ANKS1A: variants seen among roughly 807,000 people sequenced by gnomAD.
ANKS1A encodes the protein ankyrin repeat and sterile alpha motif domain containing 1A, also known as ankyrin repeat and SAM domain-containing protein 1A.
ANKS1A carries 55 observed loss-of-function variants against 120.3 expected under a neutral mutation model. The ratio of observed to expected loss-of-function variants is 0.46; its 90% confidence interval spans 0.37 to 0.57. The LOEUF (loss-of-function observed/expected upper bound fraction) is 0.57, where lower values mean the gene tolerates loss of function less well. Ranked by LOEUF, ANKS1A falls within the 20% of genes least tolerant of loss-of-function variation. The pLI is 0.00. For missense variants in ANKS1A, 1,123 were observed against 1,480.3 expected (o/e 0.76, Z 3.96); for synonymous variants, 590 against 604.7 (o/e 0.98, Z 0.36).
At chr6:34,986,371 C>G (rs1252010032) in intron 8 of ANKS1A, among the ~76,000 whole-genome samples, 1 of 152,152 alleles carries the variant, frequency 6.6e-6, no homozygotes, top group Admixed American at 6.5e-5. Flanking sequence ...AATCACTGGT[C>G]CCACTGACCC....
intron 1 of ANKS1A, among the ~76,000 whole-genome samples, chr6:34,913,888 T>C (rs2127459397): frequency 6.6e-6 from 1 of 152,226 alleles, no homozygotes; most frequent in African/African-American, 2.4e-5. Flanking sequence ...GTGCTGGGAT[T>C]ACAGGTGTAA....
Position 35,084,077 on chromosome 6 carries a change from C to A in ANKS1A, c.2995-44C>A. ...AGGCTGGGGCAGGGGGTGCCAGAGG[C>A]ATGCCTGAGCCTGAGAATTCCAGAA... On this transcript the variant is annotated intron_variant, in intron 20 of 23. Coordinates refer to ENST00000360359, the MANE Select transcript of ANKS1A (RefSeq NM_015245.3). This position sits in a 1 kb window ranked among gnomAD's most constrained non-coding sequence, Gnocchi z 4.8. The A allele has an allele frequency of 1.2e-6, 2 of 1,609,618 alleles. No individual in the cohort carries two copies. The highest frequency in any genetic ancestry group is 2.2e-5 in the South Asian group (2 of 90,400).
At chr6:35,023,010 G>T (rs1774422605) in intron 11 of ANKS1A, among the ~76,000 whole-genome samples, 1 of 152,162 alleles carries the variant, frequency 6.6e-6, no homozygotes, top group Non-Finnish European at 1.5e-5. Context: ...TTTTCCACCT[G>T]CCCTTCAGGT....
At chr6:34,944,635 C>A (rs79773935) in intron 1 of ANKS1A, among the ~76,000 whole-genome samples, 1 of 152,134 alleles carries the variant, frequency 6.6e-6, no homozygotes, top group Non-Finnish European at 1.5e-5. Flanking sequence ...CCTGCATATA[C>A]CAAAATCTGT....
intron 1 of ANKS1A, among the ~76,000 whole-genome samples, chr6:34,897,982 G>A (rs1767175046): frequency 6.6e-6 from 1 of 152,044 alleles, no homozygotes. Flanking sequence ...ACTTTTCTGC[G>A]CCTCTGTGTC....
At chr6:34,918,961 C>T (rs1459323546) in intron 1 of ANKS1A, among the ~76,000 whole-genome samples, 1 of 152,176 alleles carries the variant, frequency 6.6e-6, no homozygotes, top group African/African-American at 2.4e-5. Flanking sequence ...AAGCGATTCT[C>T]CCACCTCAGC....
rs142515888 is a variant in ANKS1A at position 35,082,994 on chromosome 6, GC to G, written c.2836-160del. Among the ~76,000 whole-genome samples, 66 of 152,306 alleles carry G rather than the reference GC, an allele frequency of 4.3e-4. No individual in the cohort carries two copies. The East Asian group carries it at 0.012, about 27-fold the overall frequency. The stretch of plus-strand genomic sequence containing the variant: ...GGGGTGGAGGCCTCTGGATCCTTTA[GC>G]TAGGGAGTTGAATGGAGGGTCTCTC... On this transcript the variant is annotated intron_variant, in intron 18 of 23. Coordinates refer to ENST00000360359, the MANE Select transcript of ANKS1A (RefSeq NM_015245.3). The surrounding 1 kb of genome is among the most constrained non-coding windows in gnomAD (Gnocchi z 4.1).
chr6:35,091,771 G>A (rs1778314302), downstream of ANKS1A, among the ~76,000 whole-genome samples: 1 of 152,224 alleles, frequency 6.6e-6, no homozygotes, highest in Admixed American at 6.5e-5. Context: ...CAGCCTGGGG[G>A]ATCTAGAGCT....
intron 3 of ANKS1A, among the ~76,000 whole-genome samples, chr6:34,978,730 G>T (rs1771739957): frequency 6.7e-6 from 1 of 149,258 alleles, no homozygotes; most frequent in African/African-American, 2.5e-5. Context: ...GCTTGAACCT[G>T]GGAGGCGGAG....
chr6:35,028,485 G>A (rs1465912158), intron 11 of ANKS1A, among the ~76,000 whole-genome samples: 5 of 152,194 alleles, frequency 3.3e-5, no homozygotes, highest in Non-Finnish European at 5.9e-5. Context: ...ATACCTTAGG[G>A]ATTTTGTATT....
Position 35,085,663 on chromosome 6 carries a change from G to A in ANKS1A, c.3133-103G>A, listed in dbSNP as rs751603878. On this transcript the variant is annotated intron_variant, in intron 21 of 23. Transcript: ENST00000360359. This position sits in a 1 kb window ranked among gnomAD's most constrained non-coding sequence, Gnocchi z 4.7. ...AGTGGAAGGAGGTAGGAGCGCTCCC[G>A]GGTAGACTTAGAGGGGGACACATGG... The A allele has an allele frequency of 2.7e-4, 341 of 1,256,174 alleles. 1 individual carries two copies. The highest frequency in any genetic ancestry group is 3.2e-4 in the Non-Finnish European group (296 of 925,412). 77.8% of individuals were successfully genotyped at this position (1,256,174 alleles called of 1,614,324 possible).
chr6:34,945,638 A>G (rs1769753314), intron 1 of ANKS1A, among the ~76,000 whole-genome samples: 1 of 152,162 alleles, frequency 6.6e-6, no homozygotes, highest in African/African-American at 2.4e-5. Flanking sequence ...ATACTGGCAT[A>G]CCTCATCTTT....
intron 1 of ANKS1A, among the ~76,000 whole-genome samples, chr6:34,958,207 G>A (rs1350041159): frequency 2.0e-5 from 3 of 151,890 alleles, no homozygotes; most frequent in African/African-American, 4.8e-5. Flanking sequence ...CCTACCTCAC[G>A]TCACCACAGT....
intron 13 of ANKS1A, among the ~76,000 whole-genome samples, chr6:35,075,400 T>G (rs1475694778): frequency 1.3e-5 from 2 of 148,990 alleles, no homozygotes; most frequent in African/African-American, 4.9e-5. Flanking sequence ...ATTTCATAGA[T>G]AAAAGGTTAA....
chr6:35,072,488 A>T (rs1777132842), intron 13 of ANKS1A, among the ~76,000 whole-genome samples: 1 of 152,016 alleles, frequency 6.6e-6, no homozygotes, highest in Admixed American at 6.5e-5. Flanking sequence ...ATCATGGGCG[A>T]CTCTACAAAC....
intron 3 of ANKS1A, among the ~76,000 whole-genome samples, chr6:34,978,800 C>T (rs1271114562): frequency 6.1e-5 from 3 of 49,572 alleles, no homozygotes; most frequent in Non-Finnish European, 1.4e-4. Flanking sequence ...AGCGAAACTC[C>T]GTCTCAAAAA....
chr6:34,994,477 G>A (rs1772744860), intron 10 of ANKS1A, 55 bp downstream of exon 10: 1 of 1,587,774 alleles, frequency 6.3e-7, no homozygotes, highest in African/African-American at 1.3e-5. Context: ...TTTAAAGTTT[G>A]TGATCCTGAG....
intron 1 of ANKS1A, among the ~76,000 whole-genome samples, chr6:34,920,071 TGTTA>T (rs1768356012): frequency 6.6e-6 from 1 of 152,138 alleles, no homozygotes; most frequent in Non-Finnish European, 1.5e-5. Flanking sequence ...TTTTTGTTGT[TGTTA>T]GTTTTTGTTT....
chr6:34,970,285 T>C (rs975147856), intron 3 of ANKS1A, 119 bp downstream of exon 3: 1 of 1,213,396 alleles, frequency 8.2e-7, no homozygotes, highest in Non-Finnish European at 1.1e-6. Flanking sequence ...TTTCTTTCTT[T>C]TTGATAATCA....
Sources: allele counts gnomAD v4.1 joint callset (sites outside exome capture counted in the v4.1 genomes callset), GRCh38; gene constraint gnomAD v4.1.1; non-coding constraint Gnocchi (gnomAD v3.1); transcripts MANE v1.5; gene names NCBI Gene and HGNC (gene_info 2026-07-23, HGNC 2026-07-21).